Variants in UBR1 observed in about 807,000 individuals in gnomAD.
UBR1 encodes ubiquitin protein ligase E3 component n-recognin 1.
Under a neutral mutation model 242.1 loss-of-function variants are expected in UBR1, and 102 were observed. The ratio of observed to expected loss-of-function variants is 0.42; its 90% CI spans 0.36 to 0.50. UBR1 has a LOEUF of 0.50. Ranked by LOEUF, UBR1 falls within the 20% of genes least tolerant of loss-of-function variation. The pLI is 0.01. For missense variants in UBR1, 1,772 were observed against 2,101.8 expected (o/e 0.84, Z 3.07); for synonymous variants, 675 against 684.8 (o/e 0.99, Z 0.22).
chr15:43,073,326 T>C (rs1487465114), intron 4 of UBR1, among the ~76,000 whole-genome samples: 4 of 152,220 alleles, frequency 2.6e-5, no homozygotes, highest in African/African-American at 9.6e-5. Flanking sequence ...TTTAGAAGTA[T>C]GTAAATGTAA....
At chr15:42,987,947 G>A (rs974370394) in intron 35 of UBR1, among the ~76,000 whole-genome samples, 15 of 151,852 alleles carry the variant, frequency 9.9e-5, no homozygotes, top group African/African-American at 3.1e-4. Context: ...TCCCTATAAC[G>A]AACAAATGCA....
chr15:43,011,007 A>G (rs750046957), intron 29 of UBR1, among the ~76,000 whole-genome samples: 1 of 151,814 alleles, frequency 6.6e-6, no homozygotes, highest in Non-Finnish European at 1.5e-5. Flanking sequence ...TGTGTGTAAC[A>G]CTATGTAATT....
At chr15:43,002,496 C>T (rs2032741542) in intron 32 of UBR1, 59 bp downstream of exon 32, 1 of 1,564,650 alleles carries the variant, frequency 6.4e-7, no homozygotes, top group African/African-American at 1.4e-5. Context: ...GCTGGGATCA[C>T]AGGCCACTGC....
intron 36 of UBR1, 46 bp downstream of exon 36, chr15:42,984,841 A>T (rs201614880): frequency 6.5e-7 from 1 of 1,527,578 alleles, no homozygotes; most frequent in East Asian, 2.3e-5. Context: ...TGGGGGGGAA[A>T]AAAGGCATGC....
intron 19 of UBR1, 81 bp from the exon 20 acceptor site, chr15:43,032,712 G>A: frequency 1.2e-6 from 1 of 823,674 alleles, no homozygotes; most frequent in Non-Finnish European, 2.0e-6. Context: ...CGAGACTCAT[G>A]GTCCATCCAG....
Position 43,049,595 on chromosome 15 carries a change from CAAAG to C in UBR1, c.1440-1108_1440-1105del, listed in dbSNP as rs2033529070. ...ATGTAGGTACATAAAGACAAAGCAACAAAGAAAATACATTTTTTTTGAACTGCAA... is the reference window on the plus strand; with the variant it reads ...ATGTAGGTACATAAAGACAAAGCAACAAAATACATTTTTTTTGAACTGCAA... On this transcript the variant is annotated intron_variant, in intron 12 of 46. Coordinates refer to ENST00000290650, the MANE Select transcript of UBR1 (RefSeq NM_174916.3). 4.6e-5 allele frequency among the ~76,000 whole-genome samples: 7 copies of C among 152,158 alleles called. 1 individual carries two copies. The South Asian group carries it at 1.2e-3, about 27-fold the overall frequency.
At chr15:42,977,574 T>C (rs2032309383) in intron 38 of UBR1, among the ~76,000 whole-genome samples, 1 of 151,880 alleles carries the variant, frequency 6.6e-6, no homozygotes, top group Non-Finnish European at 1.5e-5. Context: ...TATATACAAC[T>C]TAAGAAAAAG....
At chr15:42,992,619 A>G (rs1245867109) in intron 33 of UBR1, among the ~76,000 whole-genome samples, 1 of 152,156 alleles carries the variant, frequency 6.6e-6, no homozygotes, top group Non-Finnish European at 1.5e-5. Flanking sequence ...TGCCTCTTTG[A>G]GCCTATTCTG....
intron 46 of UBR1, among the ~76,000 whole-genome samples, chr15:42,949,448 A>AAT (rs1418065507): frequency 6.6e-6 from 1 of 151,478 alleles, no homozygotes; most frequent in Non-Finnish European, 1.5e-5. Flanking sequence ...AATAAAATAA[A>AAT]AAAAAAATTA....
At chr15:43,013,062 C>T (rs1054287279) in intron 29 of UBR1, among the ~76,000 whole-genome samples, 13 of 152,184 alleles carry the variant, frequency 8.5e-5, no homozygotes, top group African/African-American at 7.2e-5. Flanking sequence ...CGCGTCACCA[C>T]ACCCGGCTAA....
chr15:43,081,809 T>C (rs2141357049), intron 3 of UBR1, among the ~76,000 whole-genome samples: 1 of 152,268 alleles, frequency 6.6e-6, no homozygotes, highest in East Asian at 1.9e-4. Flanking sequence ...AATCCAGTAA[T>C]TCCACTTCTG....
At chr15:43,032,330 A>C (rs2033267762) in intron 20 of UBR1, among the ~76,000 whole-genome samples, 1 of 152,208 alleles carries the variant, frequency 6.6e-6, no homozygotes, top group African/African-American at 2.4e-5. Context: ...ATGAAAATAT[A>C]TTTCACTTAG....
intron 37 of UBR1, among the ~76,000 whole-genome samples, chr15:42,981,731 C>T (rs2032382047): frequency 6.6e-6 from 1 of 152,114 alleles, no homozygotes; most frequent in African/African-American, 2.4e-5. Flanking sequence ...ACCTCGTGAT[C>T]CGCCGCACCC....
At chr15:43,027,933 A>C (rs2033198383) in intron 21 of UBR1, 105 bp from the exon 22 acceptor site, 3 of 970,550 alleles carry the variant, frequency 3.1e-6, no homozygotes, top group Non-Finnish European at 4.7e-6. Flanking sequence ...CTTTGTAAAT[A>C]ATTTTAAAAA....
intron 1 of UBR1, 103 bp downstream of exon 1, chr15:43,105,839 C>A: frequency 8.7e-7 from 1 of 1,145,020 alleles, no homozygotes; most frequent in Non-Finnish European, 1.3e-6. Flanking sequence ...CAGATAACTC[C>A]CCCTCCCCAG....
chr15:43,042,923 TTTA>T (rs1567134919), intron 15 of UBR1, among the ~76,000 whole-genome samples: 1 of 152,046 alleles, frequency 6.6e-6, no homozygotes, highest in Non-Finnish European at 1.5e-5. Context: ...GCAACCAGAT[TTTA>T]TTATATTTAA....
chr15:43,086,615 C>T (rs1444386898), intron 1 of UBR1, among the ~76,000 whole-genome samples: 2 of 152,012 alleles, frequency 1.3e-5, no homozygotes, highest in African/African-American at 4.8e-5. Context: ...TCGAAATGAA[C>T]ATAGGCCAAA....
chr15:42,987,964 T>A (rs1216762479), intron 35 of UBR1, among the ~76,000 whole-genome samples: 3 of 152,106 alleles, frequency 2.0e-5, no homozygotes, highest in Non-Finnish European at 4.4e-5. Context: ...TGCACTAACT[T>A]AAAAAATCTA....
chr15:43,098,829 T>C (rs1305813050), intron 1 of UBR1, among the ~76,000 whole-genome samples: 1 of 152,094 alleles, frequency 6.6e-6, no homozygotes, highest in East Asian at 1.9e-4. Context: ...AGCCATTAGG[T>C]CTTGCTAAGA....
Sources: gnomAD v4.1 joint callset for allele counts (sites outside exome capture counted in the v4.1 genomes callset) on GRCh38, gnomAD v4.1.1 for gene constraint, MANE v1.5 for transcripts, NCBI Gene and HGNC (gene_info 2026-07-23, HGNC 2026-07-21) for gene names.